The following MAEA variants were observed in gnomAD, a reference collection of about 807,000 sequenced individuals.
MAEA encodes the protein macrophage erythroblast attacher, E3 ubiquitin ligase.
In MAEA, 22 loss-of-function variants were observed where a neutral mutation model predicts 46.2. That is an observed-to-expected ratio of 0.48 (90% CI 0.34 to 0.68). MAEA has a LOEUF of 0.68. Among genes scored for constraint, MAEA ranks in the 30% least tolerant of loss-of-function variants. The probability of loss-of-function intolerance (pLI) is 0.01; values close to 1 mark genes in which losing one functional copy is unlikely to be tolerated. For synonymous variants in MAEA, 246 were observed against 222.6 expected (o/e 1.11, Z -0.94); for missense variants, 393 against 558.1 (o/e 0.70, Z 2.98).
Position 1,332,743 on chromosome 4 carries a change from A to G in MAEA, c.657-14A>G, listed in dbSNP as rs764825473. 2.5e-6 allele frequency: 4 copies of G among 1,601,820 alleles called. No individual in the cohort carries two copies. The highest frequency in any genetic ancestry group is 1.1e-5 in the South Asian group (1 of 90,234). On this transcript the variant is annotated splice_polypyrimidine_tract_variant and intron_variant, in intron 5 of 8. Coordinates refer to ENST00000303400, the MANE Select transcript of MAEA (RefSeq NM_001017405.3). ...AAAACGCAAACTTAAATGTGCCAAA[A>G]TGTTGTTTTTTAGACATGCAAGAAA...
chr4:1,339,294 G>A lies in MAEA; in HGVS notation c.*125G>A, dbSNP rs1577253849. On this transcript the variant is annotated 3_prime_UTR_variant, in exon 9 of 9. Transcript: ENST00000303400. ...GTTTCTTGCGACCAAAGATCCGTGA[G>A]CAACGATAAATACTCTTAGGAAGAG... 20 of 696,210 alleles carry A rather than the reference G, an allele frequency of 2.9e-5. No individual in the cohort carries two copies. The South Asian group carries it at 3.2e-4, about 11-fold the overall frequency. The allele number at this position is 696,210 out of a possible 1,614,324, so 43.1% of individuals were successfully genotyped here.
In MAEA at chr4:1,311,497, G is replaced by T. The variant is rs1373654515; in HGVS notation, c.70-482G>T. Among the ~76,000 whole-genome samples, 1 of 152,202 alleles carries T rather than the reference G, an allele frequency of 6.6e-6. No homozygotes were observed. The highest frequency in any genetic ancestry group is 1.5e-5 in the Non-Finnish European group (1 of 68,038). ...CGTGCACTTGTGGCTTCCCGTGCGT[G>T]TGTGAGGCTTGCTGTGCCCAACCCC... On this transcript the variant is annotated intron_variant, in intron 1 of 8. Transcript: ENST00000303400. The surrounding 1 kb of genome is among the most constrained non-coding windows in gnomAD (Gnocchi z 4.4).
intron 1 of MAEA, among the ~76,000 whole-genome samples, chr4:1,303,157 G>A (rs1169026989): frequency 6.6e-6 from 1 of 150,724 alleles, no homozygotes; most frequent in East Asian, 2.0e-4. Context: ...GGGAGGCTGG[G>A]GCGGGTGGAT....
intron 1 of MAEA, among the ~76,000 whole-genome samples, chr4:1,307,852 GCA>G (rs1015496531): frequency 1.3e-5 from 2 of 152,118 alleles, no homozygotes; most frequent in Non-Finnish European, 2.9e-5. Flanking sequence ...GGACTGGATG[GCA>G]CCACCTACCT....
chr4:1,302,203 CGT>C (rs1270539609), intron 1 of MAEA, among the ~76,000 whole-genome samples: 7 of 151,952 alleles, frequency 4.6e-5, no homozygotes, highest in Non-Finnish European at 7.4e-5. Flanking sequence ...GTTGGTTCAA[CGT>C]GTGAAAATCA....
chr4:1,318,337 C>T (rs938531749), intron 3 of MAEA, among the ~76,000 whole-genome samples: 8 of 152,204 alleles, frequency 5.3e-5, no homozygotes, highest in Admixed American at 1.3e-4. Flanking sequence ...GGGAGAGAGA[C>T]GTGAAGTGAA....
chr4:1,334,593 A>C (rs574548139), intron 6 of MAEA, among the ~76,000 whole-genome samples: 1 of 152,336 alleles, frequency 6.6e-6, no homozygotes, highest in South Asian at 2.1e-4. Context: ...GGCCGGGTGG[A>C]GCATGCACCT....
chr4:1,322,550 T>C (rs764414150), intron 4 of MAEA, 47 bp downstream of exon 4: 4 of 1,603,814 alleles, frequency 2.5e-6, no homozygotes, highest in Non-Finnish European at 3.4e-6. Flanking sequence ...GGGCCGAGGC[T>C]GCGCCACCTG....
chr4:1,323,395 CT>C (rs1396586264), intron 4 of MAEA: 36 of 671,212 alleles, frequency 5.4e-5, no homozygotes, highest in Non-Finnish European at 8.4e-5. Context: ...ATTAGCAAAA[CT>C]TTTCTGTCTT....
intron 4 of MAEA, chr4:1,323,755 C>T (rs1738441645): frequency 3.2e-6 from 2 of 634,034 alleles, no homozygotes; most frequent in Non-Finnish European, 5.7e-6. Flanking sequence ...CAGGATATTC[C>T]TGCAAGCCCT....
chr4:1,338,681 G>A, intron 8 of MAEA, 64 bp downstream of exon 8: 1 of 1,485,048 alleles, frequency 6.7e-7, no homozygotes, highest in Non-Finnish European at 9.1e-7. Context: ...GGCTGTGTGG[G>A]ACGGGCAGGG....
At chr4:1,338,013 C>G (rs1235512093) in intron 7 of MAEA, 4 of 192,508 alleles carry the variant, frequency 2.1e-5, no homozygotes, top group African/African-American at 9.4e-5. Context: ...CTCAGGCCCC[C>G]TCCCTTGTCC....
intron 3 of MAEA, among the ~76,000 whole-genome samples, chr4:1,317,813 C>T (rs948848522): frequency 6.6e-6 from 1 of 152,188 alleles, no homozygotes; most frequent in Non-Finnish European, 1.5e-5. Context: ...CCCCTGGGTG[C>T]CCTGCAGTCT....
intron 1 of MAEA, among the ~76,000 whole-genome samples, chr4:1,297,633 T>G (rs1237639999): frequency 6.6e-6 from 1 of 152,142 alleles, no homozygotes; most frequent in Non-Finnish European, 1.5e-5. Context: ...TCTCTGTGCT[T>G]TGGTTGGGCG....
rs187160969 is a variant in MAEA at position 1,316,024 on chromosome 4, C to T, written c.456+424C>T. On this transcript the variant is annotated intron_variant, in intron 3 of 8. Coordinates refer to ENST00000303400, the MANE Select transcript of MAEA (RefSeq NM_001017405.3). Reference sequence around the variant, plus strand: ...TGAAGGCAGGAAGTCAGTGTCTAAGCGGCTCTCCAGGTTCTTCTCATTTCC... The same window carrying T: ...TGAAGGCAGGAAGTCAGTGTCTAAGTGGCTCTCCAGGTTCTTCTCATTTCC... Among the ~76,000 whole-genome samples the T allele has an allele frequency of 7.9e-5, 12 of 151,946 alleles. No homozygotes were observed. In the East Asian group the frequency reaches 9.7e-4, roughly 12 times the overall value.
Position 1,311,064 on chromosome 4 carries a change from G to A in MAEA, c.70-915G>A, listed in dbSNP as rs934871105. On this transcript the variant is annotated intron_variant, in intron 1 of 8. Coordinates refer to ENST00000303400, the MANE Select transcript of MAEA (RefSeq NM_001017405.3). The surrounding 1 kb of genome is among the most constrained non-coding windows in gnomAD (Gnocchi z 4.4). ...GGGAGCAGGCGGTACCCGAGAGTCT[G>A]TCCTCCCATGGTTGGGCACGGCTGG... 4.2e-4 allele frequency among the ~76,000 whole-genome samples: 1 copy of A among 2,368 alleles called. No homozygotes were observed. The highest frequency in any genetic ancestry group is 0.015 in the Admixed American group (1 of 68). 1.6% of individuals were successfully genotyped at this position (2,368 alleles called of 152,430 possible).
intron 6 of MAEA, among the ~76,000 whole-genome samples, chr4:1,334,381 G>GCTTT (rs59764624): frequency 0.6 from 90,609 of 151,206 alleles, 27,338 homozygotes; most frequent in Admixed American, 0.68. Context: ...GCTGCTGGAA[G>GCTTT]CTCAGCCTGA....
At chr4:1,307,845 C>A (rs1735983801) in intron 1 of MAEA, among the ~76,000 whole-genome samples, 1 of 152,156 alleles carries the variant, frequency 6.6e-6, no homozygotes, top group South Asian at 2.1e-4. Context: ...CCCCAGCGGA[C>A]TGGATGGCAC....
intron 5 of MAEA, chr4:1,328,718 A>G (rs1739158511): frequency 1.6e-6 from 2 of 1,257,626 alleles, no homozygotes; most frequent in South Asian, 2.6e-5. Context: ...GGTCCCCAAG[A>G]CGCACGGCAG....
Sources: gnomAD v4.1 joint callset for allele counts (sites outside exome capture counted in the v4.1 genomes callset) on GRCh38, gnomAD v4.1.1 for gene constraint, Gnocchi (gnomAD v3.1) non-coding constraint, MANE v1.5 for transcripts, NCBI Gene and HGNC (gene_info 2026-07-23, HGNC 2026-07-21) for gene names.